CDK6: variants seen among roughly 807,000 people sequenced by gnomAD.
CDK6 encodes the protein cyclin-dependent kinase 6.
In CDK6, 6 loss-of-function variants were observed where a neutral mutation model predicts 37.1. That is an observed-to-expected ratio of 0.16 (90% CI 0.09 to 0.32). The LOEUF is 0.32. Among genes scored for constraint, CDK6 ranks in the 10% least tolerant of loss-of-function variants. CDK6 has a pLI of 1.00. For synonymous variants in CDK6, 160 were observed against 161.3 expected (o/e 0.99, Z 0.06); for missense variants, 224 against 418.9 (o/e 0.53, Z 4.06).
chr7:92,776,364 A>T (rs1799852313), intron 2 of CDK6, among the ~76,000 whole-genome samples: 1 of 152,224 alleles, frequency 6.6e-6, no homozygotes, highest in Non-Finnish European at 1.5e-5. Flanking sequence ...GTGCTGCAAT[A>T]AACATATGTG....
At chr7:92,646,548 C>T (rs993342743) in intron 5 of CDK6, among the ~76,000 whole-genome samples, 3 of 151,986 alleles carry the variant, frequency 2.0e-5, no homozygotes, top group African/African-American at 7.3e-5. Flanking sequence ...CAGGTGCCTG[C>T]CATCACATCT....
At chr7:92,671,350 A>ATGCTG (rs1585386001) in intron 5 of CDK6, 76 bp downstream of exon 5, 2 of 923,742 alleles carry the variant, frequency 2.2e-6, no homozygotes, top group East Asian at 5.6e-5. Context: ...TAGAAATGCC[A>ATGCTG]TGCTGCCACT....
chr7:92,734,820 T>G (rs1312841754), intron 3 of CDK6, among the ~76,000 whole-genome samples: 1 of 152,206 alleles, frequency 6.6e-6, no homozygotes, highest in Non-Finnish European at 1.5e-5. Context: ...GTTGAGACTT[T>G]GGGCTCATTA....
chr7:92,822,423 A>G (rs962565597), intron 2 of CDK6, among the ~76,000 whole-genome samples: 1 of 152,146 alleles, frequency 6.6e-6, no homozygotes, highest in African/African-American at 2.4e-5. Flanking sequence ...GAGTGAATAG[A>G]AAAATAAAAT....
At chr7:92,691,724 C>A (rs1797603905) in intron 4 of CDK6, among the ~76,000 whole-genome samples, 1 of 152,082 alleles carries the variant, frequency 6.6e-6, no homozygotes, top group African/African-American at 2.4e-5. Context: ...AGGGAGTAAA[C>A]CTCTTCAAAG....
chr7:92,743,878 T>C (rs552740266), intron 3 of CDK6, among the ~76,000 whole-genome samples: 34 of 152,292 alleles, frequency 2.2e-4, no homozygotes, highest in African/African-American at 7.7e-4. Context: ...TGATTACATC[T>C]GGGGGAGGGA....
intron 3 of CDK6, among the ~76,000 whole-genome samples, chr7:92,730,727 G>A (rs1387472020): frequency 6.6e-6 from 1 of 152,044 alleles, no homozygotes; most frequent in Non-Finnish European, 1.5e-5. Flanking sequence ...TCCTCTTTAA[G>A]GTTAAATAAT....
intron 2 of CDK6, among the ~76,000 whole-genome samples, chr7:92,778,311 C>G (rs1465826400): frequency 1.3e-5 from 2 of 152,120 alleles, no homozygotes; most frequent in African/African-American, 4.8e-5. Context: ...TCACATTTAT[C>G]TACTTCTAAA....
At chr7:92,726,637 T>C (rs896954297) in intron 3 of CDK6, among the ~76,000 whole-genome samples, 18 of 151,970 alleles carry the variant, frequency 1.2e-4, no homozygotes, top group African/African-American at 4.4e-4. Flanking sequence ...TCTCAAACTC[T>C]TGGGCTCAAG....
intron 5 of CDK6, among the ~76,000 whole-genome samples, chr7:92,664,623 T>C (rs1796914563): frequency 6.6e-6 from 1 of 152,188 alleles, no homozygotes. Context: ...GGAAGCCTTG[T>C]TTGTTTCCTT....
intron 4 of CDK6, among the ~76,000 whole-genome samples, chr7:92,679,068 C>T (rs1797273622): frequency 6.6e-6 from 1 of 152,184 alleles, no homozygotes; most frequent in South Asian, 2.1e-4. Context: ...ATAGCACCAT[C>T]CCCTGAGTTC....
intron 3 of CDK6, among the ~76,000 whole-genome samples, chr7:92,764,350 T>C (rs563951838): frequency 3.9e-5 from 6 of 152,224 alleles, no homozygotes; most frequent in African/African-American, 1.4e-4. Context: ...TGTTTTGCCA[T>C]ATTGTTGAAT....
intron 5 of CDK6, among the ~76,000 whole-genome samples, chr7:92,636,567 T>C (rs1044394613): frequency 2.0e-5 from 3 of 152,230 alleles, no homozygotes; most frequent in Non-Finnish European, 4.4e-5. Flanking sequence ...AAAGGCTTTA[T>C]GTCACTCATA....
Position 92,834,253 on chromosome 7 carries a change from C to G in CDK6, c.-367-563G>C, listed in dbSNP as rs928104231. ...CCTGTAACCCGATGCTGGGAGTGTG[C>G]GAGAAGGGGTGGTCAGACATCTGCT... On this transcript the variant is annotated intron_variant, in intron 1 of 7. Transcript: ENST00000424848. This position sits in a 1 kb window ranked among gnomAD's most constrained non-coding sequence, Gnocchi z 4.6. 7.2e-5 allele frequency among the ~76,000 whole-genome samples: 11 copies of G among 151,952 alleles called. No individual in the cohort carries two copies.
intron 5 of CDK6, among the ~76,000 whole-genome samples, chr7:92,625,254 ACAC>A (rs1795899238): frequency 6.6e-6 from 1 of 151,052 alleles, no homozygotes. Context: ...ACACACACAC[ACAC>A]ACCTCTCTTA....
At chr7:92,766,762 C>CT (rs1177709286) in intron 3 of CDK6, among the ~76,000 whole-genome samples, 7 of 152,174 alleles carry the variant, frequency 4.6e-5, no homozygotes, top group Admixed American at 4.6e-4. Context: ...TATATACTAC[C>CT]TGCAAGTTTT....
In CDK6 at chr7:92,611,340, T is replaced by A. The variant is rs1304926532; in HGVS notation, c.*3800A>T. 1 of 227,144 alleles carries A rather than the reference T, an allele frequency of 4.4e-6. No homozygotes were observed. The highest frequency in any genetic ancestry group is 5.7e-5 in the Admixed American group (1 of 17,592). The allele number at this position is 227,144 out of a possible 1,614,324, so 14.1% of individuals were successfully genotyped here. On this transcript the variant is annotated 3_prime_UTR_variant, in exon 8 of 8. Transcript: ENST00000424848. Reference sequence around the variant, plus strand: ...ACATAATTAAGTAATTATGGTGGCATATTCACTTTTAACATTATTTTTTCC... The same window carrying A: ...ACATAATTAAGTAATTATGGTGGCAAATTCACTTTTAACATTATTTTTTCC...
intron 5 of CDK6, among the ~76,000 whole-genome samples, chr7:92,655,726 T>C (rs952782036): frequency 6.6e-6 from 1 of 152,196 alleles, no homozygotes. Flanking sequence ...TAGTATCCAG[T>C]TCAGTTCATG....
chr7:92,807,209 T>C (rs1800748384), intron 2 of CDK6, among the ~76,000 whole-genome samples: 2 of 152,206 alleles, frequency 1.3e-5, no homozygotes, highest in South Asian at 2.1e-4. Context: ...TAAGAAATCA[T>C]TTGTTTTCTT....
Sources: gnomAD v4.1 joint callset for allele counts (sites outside exome capture counted in the v4.1 genomes callset) on GRCh38, gnomAD v4.1.1 for gene constraint, Gnocchi (gnomAD v3.1) non-coding constraint, MANE v1.5 for transcripts, NCBI Gene and HGNC (gene_info 2026-07-23, HGNC 2026-07-21) for gene names.